Variants in PKD1L3 observed in about 807,000 individuals in gnomAD.
PKD1L3 encodes polycystin 1 like 3, transient receptor potential channel interacting.
In PKD1L3, 239 loss-of-function variants were observed where a neutral mutation model predicts 184.1. The observed-to-expected ratio is 1.30, with a 90% confidence interval of 1.17 to 1.45. The LOEUF (loss-of-function observed/expected upper bound fraction) is 1.45, where lower values mean the gene tolerates loss of function less well. Ranked by LOEUF, PKD1L3 falls within the 40% of genes most tolerant of loss-of-function variation. The pLI is 0.00. For missense variants in PKD1L3, 2,660 were observed against 2,067.2 expected, an observed-to-expected ratio of 1.29 and a Z score of -5.56; for synonymous variants, 996 against 778.8, an observed-to-expected ratio of 1.28 and a Z score of -4.64.
chr16:71,993,421 A>G, intron 2 of PKD1L3, 89 bp from the exon 3 acceptor site: 1 of 442,566 alleles, frequency 2.3e-6, no homozygotes, highest in Non-Finnish European at 3.5e-6. Flanking sequence ...CGTATGTGAT[A>G]ATCAGGAAAA....
intron 16 of PKD1L3, among the ~76,000 whole-genome samples, chr16:71,961,987 G>T (rs1031157315): frequency 1.3e-5 from 2 of 152,174 alleles, no homozygotes; most frequent in Non-Finnish European, 2.9e-5. Context: ...CACAGTGGCT[G>T]TATCTCGGCT....
At chr16:71,969,748 T>G in intron 13 of PKD1L3, 127 bp downstream of exon 13, 1 of 821,338 alleles carries the variant, frequency 1.2e-6, no homozygotes, top group Non-Finnish European at 1.9e-6. Flanking sequence ...TAAGAAAAGT[T>G]TCACTTGAAT....
At position 71,986,418 on chromosome 16, in the gene PKD1L3, T is replaced by C. The variant is rs1051834513; in HGVS notation, c.637A>G (p.Ile213Val). 5.2e-6 allele frequency: 8 copies of C among 1,551,930 alleles called. No individual in the cohort carries two copies. Among genetic ancestry groups the C allele is most frequent in the Middle Eastern group, 1.7e-4 (1 of 5,986 alleles). Reference protein sequence around the residue: ...ISQFPSVLSSITSQVTSAASE... With the variant: ...ISQFPSVLSSVTSQVTSAASE... The stretch of plus-strand genomic sequence containing the variant: ...GCGGCTGATGTTACCTGTGATGTGA[T>C]ACTTGATAGTACTGAAGGAAACTGG... Residue 213 changes from isoleucine to valine, a missense_variant, in exon 5 of 30, where the codon ATC (isoleucine) becomes GTC (valine). Transcript: ENST00000620267.
At chr16:71,981,898 G>A (rs539257648) in intron 7 of PKD1L3, among the ~76,000 whole-genome samples, 161 bp downstream of exon 7, 2 of 152,206 alleles carry the variant, frequency 1.3e-5, no homozygotes, top group South Asian at 2.1e-4. Flanking sequence ...TGGTGGGGTG[G>A]GGAGGGAGAC....
chr16:71,936,571 G>A (rs2143158521), intron 25 of PKD1L3, among the ~76,000 whole-genome samples: 1 of 142,790 alleles, frequency 7.0e-6, no homozygotes. Context: ...CCAAGCTGAA[G>A]TGCAAGGGCG....
intron 1 of PKD1L3, among the ~76,000 whole-genome samples, 200 bp from the exon 2 acceptor site, chr16:71,998,594 G>A (rs1156454968): frequency 6.6e-6 from 1 of 152,118 alleles, no homozygotes; most frequent in Non-Finnish European, 1.5e-5. Flanking sequence ...GGGATTACAG[G>A]CACCCGCCAC....
rs71153688 is a variant in PKD1L3, at chr16:71,976,264, C to CTTTTTTTTTTTTTTTTT, written c.1759+971_1759+972insAAAAAAAAAAAAAAAAA. 2.2e-3 allele frequency among the ~76,000 whole-genome samples: 177 copies of CTTTTTTTTTTTTTTTTT among 81,750 alleles called. 31 individuals carry two copies. The highest frequency in any genetic ancestry group is 2.6e-3 in the East Asian group (7 of 2,670). 53.6% of individuals were successfully genotyped at this position (81,750 alleles called of 152,430 possible). On this transcript the variant is annotated intron_variant, in intron 11 of 29. Coordinates refer to ENST00000620267, the MANE Select transcript of PKD1L3 (RefSeq NM_181536.2). ...ATGAGCCACTGAGTGCCCAGCCTGT[C>CTTTTTTTTTTTTTTTTT]TTTTTTTTTTTTTTTTAAGACAGTC...
At chr16:71,994,585 A>G (rs913463794) in intron 2 of PKD1L3, among the ~76,000 whole-genome samples, 3 of 152,262 alleles carry the variant, frequency 2.0e-5, no homozygotes, top group African/African-American at 7.2e-5. Flanking sequence ...TATTGGCCTC[A>G]TGAACTATTG....
intron 16 of PKD1L3, among the ~76,000 whole-genome samples, chr16:71,955,444 CA>C (rs1016308680): frequency 1.3e-5 from 2 of 149,922 alleles, no homozygotes; most frequent in African/African-American, 2.4e-5. Context: ...AAAAAACAAA[CA>C]AAAAAAGGGG....
In PKD1L3 at chr16:71,986,578, T is replaced by C. The variant is rs185115618; in HGVS notation, c.586-109A>G. The C allele has an allele frequency of 4.4e-4, 546 of 1,239,464 alleles. 4 individuals are homozygous for C. In the African/African-American group the frequency reaches 7.2e-3, roughly 16 times the overall value. The allele number at this position is 1,239,464 out of a possible 1,614,324, so 76.8% of individuals were successfully genotyped here. On this transcript the variant is annotated intron_variant, in intron 4 of 29. Transcript: ENST00000620267. The stretch of plus-strand genomic sequence containing the variant: ...GAAACTCTGTCCTATGAGATACTAA[T>C]AGGCATTTCTGTTAAAAAAAATTCT...
Position 71,991,242 on chromosome 16 carries a change from A to G in PKD1L3, c.536-913T>C, listed in dbSNP as rs201061216. 3.5e-5 allele frequency: 8 copies of G among 229,634 alleles called. No individual in the cohort carries two copies. In the East Asian group the frequency reaches 7.6e-4, roughly 22 times the overall value. 14.2% of individuals were successfully genotyped at this position (229,634 alleles called of 1,614,324 possible). The stretch of plus-strand genomic sequence containing the variant: ...TTCATCCGAATCCACTGGGGAATAA[A>G]ATGATTTTGCTTTTATTTCTTGGCC... On this transcript the variant is annotated intron_variant, in intron 3 of 29. Transcript: ENST00000620267.
In PKD1L3 at chr16:71,933,471, G is replaced by A; in HGVS notation, c.4875C>T (p.Ser1625=). Residue 1625 remains serine (S), a synonymous_variant, in exon 28 of 30, where the codon AGC becomes AGT. Coordinates refer to ENST00000620267, the MANE Select transcript of PKD1L3 (RefSeq NM_181536.2). The stretch of plus-strand genomic sequence containing the variant: ...GGAGACCAACAACAGTCACTGCTGA[G>A]CTGAAAAATGTCCGGTAGTCAGAGA... The part of the protein sequence containing the change: ...CSISDYRTFF[S]SAVTVVGLLM... 2 of 1,551,662 alleles carry A rather than the reference G, an allele frequency of 1.3e-6. No individual in the cohort carries two copies. Among genetic ancestry groups the A allele is most frequent in the Non-Finnish European group, 1.7e-6 (2 of 1,146,868 alleles).
chr16:71,945,632 T>C (rs1029244648), intron 22 of PKD1L3, among the ~76,000 whole-genome samples: 1 of 151,486 alleles, frequency 6.6e-6, no homozygotes, highest in Non-Finnish European at 1.5e-5. Flanking sequence ...GAGCCGAGAT[T>C]GTGCCACTGC....
intron 16 of PKD1L3, among the ~76,000 whole-genome samples, chr16:71,957,218 T>C (rs2039080719): frequency 6.6e-6 from 1 of 152,136 alleles, no homozygotes; most frequent in Non-Finnish European, 1.5e-5. Flanking sequence ...TGGGAGATTC[T>C]ATGCCAGTAG....
chr16:71,931,753 C>A (rs2037979767), intron 28 of PKD1L3, among the ~76,000 whole-genome samples: 1 of 152,166 alleles, frequency 6.6e-6, no homozygotes, highest in Non-Finnish European at 1.5e-5. Flanking sequence ...GCGTGAGCTA[C>A]TGTGCCCGGC....
intron 17 of PKD1L3, 127 bp downstream of exon 17, chr16:71,953,978 G>A: frequency 1.3e-6 from 1 of 755,208 alleles, no homozygotes; most frequent in East Asian, 3.1e-5. Flanking sequence ...CACTTCAGGA[G>A]GCTGAGGCAG....
intron 15 of PKD1L3, among the ~76,000 whole-genome samples, chr16:71,963,699 T>C (rs1419632098): frequency 2.6e-5 from 4 of 152,118 alleles, no homozygotes; most frequent in Non-Finnish European, 4.4e-5. Context: ...GGAAGGATTG[T>C]TTGAGCCCGG....
intron 16 of PKD1L3, among the ~76,000 whole-genome samples, chr16:71,956,021 C>T (rs763809119): frequency 3.3e-5 from 5 of 151,884 alleles, no homozygotes; most frequent in Non-Finnish European, 4.4e-5. Flanking sequence ...TAACACCTGG[C>T]TAAATTTTGT....
rs201980066 is a variant in PKD1L3, at chr16:71,973,449, C to G, written c.1828G>C (p.Ala610Pro). The G allele has an allele frequency of 6.4e-7, 1 of 1,551,826 alleles. No homozygotes were observed. The highest frequency in any genetic ancestry group is 1.2e-5 in the South Asian group (1 of 84,058). Residue 610 changes from alanine (A) to proline (P), a missense_variant, in exon 12 of 30, where the codon GCT becomes CCT. Transcript: ENST00000620267. ...CCCTCCTGCCTCTCACTCAGCACAG[C>G]TGTTATATAGTAGGTGCCAATCCCG... ...QHGIGTYYITAVLSERQEGAQ... is the reference protein window; with the variant it reads ...QHGIGTYYITPVLSERQEGAQ...
Sources: allele counts gnomAD v4.1 joint callset (sites outside exome capture counted in the v4.1 genomes callset), GRCh38; gene constraint gnomAD v4.1.1; transcripts MANE v1.5; gene names NCBI Gene and HGNC (gene_info 2026-07-23, HGNC 2026-07-21).